PPP4R3B: variants seen among roughly 807,000 people sequenced by gnomAD.
The protein encoded by PPP4R3B is serine/threonine-protein phosphatase 4 regulatory subunit 3B.
Under a neutral mutation model 95.4 loss-of-function variants are expected in PPP4R3B, and 52 were observed. That is an observed-to-expected ratio of 0.54 (90% CI 0.44 to 0.69). PPP4R3B has a LOEUF of 0.69. PPP4R3B is among the 30% of genes least tolerant of loss of function. The probability of loss-of-function intolerance (pLI) is 0.00; values close to 1 mark genes in which losing one functional copy is unlikely to be tolerated. For missense variants in PPP4R3B, 1,003 were observed against 1,005.9 expected (o/e 1.00, Z 0.04); for synonymous variants, 407 against 343.9 (o/e 1.18, Z -2.03).
chr2:55,565,738 G>A (rs1345071582), intron 13 of PPP4R3B: 1 of 210,866 alleles, frequency 4.7e-6, no homozygotes, highest in Non-Finnish European at 1.0e-5. Flanking sequence ...CATTTGTTAA[G>A]TTTTCAAATG....
intron 5 of PPP4R3B, among the ~76,000 whole-genome samples, chr2:55,588,514 A>C (rs1574824360): frequency 7.2e-6 from 1 of 138,924 alleles, no homozygotes; most frequent in East Asian, 2.3e-4. Flanking sequence ...ACTCCATCTC[A>C]GAAAAAAAAA....
rs1410970009 is a variant in PPP4R3B, at chr2:55,617,092, T to C, written c.142+52A>G. 1.9e-5 allele frequency: 30 copies of C among 1,539,186 alleles called. No homozygotes were observed. In the South Asian group the frequency reaches 2.1e-4, roughly 11 times the overall value. Reference sequence around the variant, plus strand: ...CGGGCCCAGGGCCCTAAACCCAAGCTGTGCCCCAACCAGAGGCACTATCCC... The same window carrying C: ...CGGGCCCAGGGCCCTAAACCCAAGCCGTGCCCCAACCAGAGGCACTATCCC... On this transcript the variant is annotated intron_variant, in intron 1 of 16. Coordinates refer to ENST00000616407, the MANE Select transcript of PPP4R3B (RefSeq NM_001122964.3).
Position 55,549,884 on chromosome 2 carries a change from C to G in PPP4R3B, c.*27G>C. The G allele has an allele frequency of 1.3e-6, 2 of 1,521,084 alleles. No individual in the cohort carries two copies. The highest frequency in any genetic ancestry group is 2.2e-5 in the South Asian group (2 of 89,040). The allele number at this position is 1,521,084 out of a possible 1,614,324, so 94.2% of individuals were successfully genotyped here. A position where few individuals can be genotyped will look rare whatever the true frequency, so the allele number is the denominator to read the frequency against. On this transcript the variant is annotated 3_prime_UTR_variant, in exon 17 of 17. Transcript: ENST00000616407. ...GAACAGTTGCAGCATTGTAAGACCACATGTTGAGGGTCCCCTAATAAATAT... is the reference window on the plus strand; with the variant it reads ...GAACAGTTGCAGCATTGTAAGACCAGATGTTGAGGGTCCCCTAATAAATAT...
At chr2:55,592,678 T>G (rs1159025639) in intron 4 of PPP4R3B, among the ~76,000 whole-genome samples, 1 of 152,196 alleles carries the variant, frequency 6.6e-6, no homozygotes. Flanking sequence ...ATTTTAAGCT[T>G]AACTCTTACC....
intron 3 of PPP4R3B, among the ~76,000 whole-genome samples, chr2:55,600,357 C>T (rs892173003): frequency 1.7e-5 from 2 of 115,958 alleles, no homozygotes; most frequent in Non-Finnish European, 3.3e-5. Context: ...ACCTGGGAGG[C>T]GGAGGTTGCA....
intron 9 of PPP4R3B, 96 bp from the exon 10 acceptor site, chr2:55,578,438 G>A: frequency 8.9e-7 from 1 of 1,128,548 alleles, no homozygotes; most frequent in Non-Finnish European, 1.1e-6. Flanking sequence ...TAAGCTGGAA[G>A]TGTTTTATTA....
intron 15 of PPP4R3B, among the ~76,000 whole-genome samples, chr2:55,562,707 T>C (rs1686786324): frequency 6.6e-6 from 1 of 152,188 alleles, no homozygotes; most frequent in South Asian, 2.1e-4. Context: ...GAAATCTCAG[T>C]ATTAGAAAGG....
intron 4 of PPP4R3B, 21 bp from the exon 5 acceptor site, chr2:55,588,977 C>G: frequency 6.9e-7 from 1 of 1,442,144 alleles, no homozygotes; most frequent in Non-Finnish European, 9.7e-7. Context: ...AAAATAATTA[C>G]TATGAAATAT....
At chr2:55,597,161 A>G (rs539333011) in intron 4 of PPP4R3B, among the ~76,000 whole-genome samples, 62 of 152,238 alleles carry the variant, frequency 4.1e-4, no homozygotes, top group Non-Finnish European at 7.5e-4. Context: ...CACTGCAAAT[A>G]TACTTAATGC....
intron 16 of PPP4R3B, among the ~76,000 whole-genome samples, chr2:55,555,630 G>C (rs1028259381): frequency 1.3e-5 from 2 of 152,110 alleles, no homozygotes; most frequent in African/African-American, 4.8e-5. Context: ...ATTCTATACA[G>C]AAATACACAC....
In PPP4R3B at chr2:55,581,705, GCAAAA is replaced by G. The variant is rs748706839; in HGVS notation, c.1234-12_1234-8del. 9.2e-5 allele frequency: 147 copies of G among 1,605,452 alleles called. No homozygotes were observed. Among genetic ancestry groups the G allele is most frequent in the South Asian group, 2.5e-4 (22 of 89,736 alleles). ...CATTAATAAGAAGAATATCCTGGTG[GCAAAA>G]CAAAACAAAACAAAACATGTTTCCA... On this transcript the variant is annotated splice_region_variant and splice_polypyrimidine_tract_variant and intron_variant, in intron 7 of 16. Transcript: ENST00000616407.
chr2:55,590,865 A>T (rs914798019), intron 4 of PPP4R3B, among the ~76,000 whole-genome samples: 26 of 152,224 alleles, frequency 1.7e-4, no homozygotes, highest in African/African-American at 5.5e-4. Context: ...ATGTATTTTT[A>T]AAAAATGAAT....
chr2:55,550,025 A>T lies in PPP4R3B; in HGVS notation c.2455-19T>A, dbSNP rs528461869. The T allele has an allele frequency of 1.0e-5, 16 of 1,569,146 alleles. No homozygotes were observed. The highest frequency in any genetic ancestry group is 4.5e-5 in the East Asian group (2 of 44,308). On this transcript the variant is annotated intron_variant, in intron 16 of 16. Transcript: ENST00000616407. The stretch of plus-strand genomic sequence containing the variant: ...AACTTCCCTATTGAAGAATTTAAAA[A>T]TTTTTTCTTTAAACATATATAACAA...
intron 3 of PPP4R3B, 118 bp from the exon 4 acceptor site, chr2:55,599,157 G>T: frequency 1.0e-6 from 1 of 963,112 alleles, no homozygotes; most frequent in Non-Finnish European, 1.5e-6. Flanking sequence ...TGAAGTCTAG[G>T]CCAGGCACGG....
intron 4 of PPP4R3B, among the ~76,000 whole-genome samples, chr2:55,595,843 C>A (rs977481130): frequency 2.0e-5 from 3 of 151,814 alleles, no homozygotes; most frequent in Middle Eastern, 3.4e-3. Flanking sequence ...GGTCCACAAA[C>A]CACACTCTGA....
intron 2 of PPP4R3B, among the ~76,000 whole-genome samples, chr2:55,606,375 T>G (rs1347188480): frequency 6.6e-6 from 1 of 152,108 alleles, no homozygotes; most frequent in Admixed American, 6.5e-5. Context: ...TAACAGTGGA[T>G]ATAAATCCAT....
At chr2:55,583,832 C>A (rs1249932238) in intron 7 of PPP4R3B, among the ~76,000 whole-genome samples, 2 of 152,092 alleles carry the variant, frequency 1.3e-5, no homozygotes, top group African/African-American at 4.8e-5. Context: ...AGATTAAATG[C>A]AAAACACATA....
At chr2:55,577,128 C>A (rs1688787498) in intron 11 of PPP4R3B, among the ~76,000 whole-genome samples, 187 bp downstream of exon 11, 2 of 152,148 alleles carry the variant, frequency 1.3e-5, no homozygotes. Context: ...CAGGGAAAAA[C>A]AACAGAATTC....
chr2:55,597,793 C>A (rs1205876285), intron 4 of PPP4R3B, among the ~76,000 whole-genome samples: 4 of 152,116 alleles, frequency 2.6e-5, no homozygotes, highest in Non-Finnish European at 5.9e-5. Flanking sequence ...AAGAGCAAAA[C>A]TCCATCTCAA....
Sources: allele counts gnomAD v4.1 joint callset (sites outside exome capture counted in the v4.1 genomes callset), GRCh38; gene constraint gnomAD v4.1.1; transcripts MANE v1.5; gene names NCBI Gene and HGNC (gene_info 2026-07-23, HGNC 2026-07-21).